The following CCNT1 variants were observed in gnomAD, a reference collection of about 807,000 sequenced individuals.
The protein encoded by CCNT1 is cyclin T1.
Under a neutral mutation model 67.3 loss-of-function variants are expected in CCNT1, and 18 were observed. The ratio of observed to expected loss-of-function variants is 0.27; its 90% CI spans 0.18 to 0.40. The LOEUF is 0.40. Among genes scored for constraint, CCNT1 ranks in the 10% least tolerant of loss-of-function variants. The pLI, the probability that CCNT1 is intolerant of heterozygous loss-of-function variation, is 1.00. For synonymous variants in CCNT1, 333 were observed against 310.3 expected, an observed-to-expected ratio of 1.07 and a Z score of -0.77; for missense variants, 744 against 884.9, an observed-to-expected ratio of 0.84 and a Z score of 2.02.
intron 6 of CCNT1, 99 bp from the exon 7 acceptor site, chr12:48,696,261 A>G: frequency 1.3e-6 from 1 of 741,716 alleles, no homozygotes; most frequent in South Asian, 2.6e-5. Context: ...AAAAAAAAAA[A>G]AAAAAGGCTT....
chr12:48,699,838 A>C lies in CCNT1; in HGVS notation c.436T>G (p.Phe146Val). Residue 146 changes from phenylalanine (F) to valine (V), a missense_variant and splice_region_variant, in exon 5 of 9, where the codon TTT becomes GTT. Physicochemically the swap from Phe to Val is conservative, Grantham distance 50 (BLOSUM62 -1). This residue lies in a region of CCNT1 where 142 missense variants were observed against 277.0 expected (regional missense o/e 0.51). Transcript: ENST00000261900. The stretch of plus-strand genomic sequence containing the variant: ...TGTGGGTGATCAATTGTTAGTTCAA[A>C]GCCTTAAAAGAAAAAGTAATGGATT... ...LESIILQTLGFELTIDHPHTH... is the reference protein window; with the variant it reads ...LESIILQTLGVELTIDHPHTH... The C allele has an allele frequency of 6.3e-7, 1 of 1,592,490 alleles. No homozygotes were observed. Among genetic ancestry groups the C allele is most frequent in the Non-Finnish European group, 8.6e-7 (1 of 1,165,162 alleles).
At chr12:48,705,993 T>C in intron 2 of CCNT1, 97 bp from the exon 3 acceptor site, 2 of 1,231,828 alleles carry the variant, frequency 1.6e-6, no homozygotes, top group Non-Finnish European at 2.2e-6. Context: ...TCAAGTTATT[T>C]GCTTGCCTCA....
intron 3 of CCNT1, among the ~76,000 whole-genome samples, chr12:48,702,614 C>T (rs552174277): frequency 6.6e-6 from 1 of 152,196 alleles, no homozygotes; most frequent in African/African-American, 2.4e-5. Context: ...GAAACCCTGT[C>T]TCTATTAAAA....
intron 3 of CCNT1, among the ~76,000 whole-genome samples, chr12:48,703,848 C>A (rs1940311916): frequency 6.6e-6 from 1 of 151,706 alleles, no homozygotes; most frequent in Non-Finnish European, 1.5e-5. Flanking sequence ...GATCACTGAG[C>A]CCGGAAGGTC....
At chr12:48,701,217 C>CTT (rs539754445) in intron 3 of CCNT1, 144 bp from the exon 4 acceptor site, 40 of 92,942 alleles carry the variant, frequency 4.3e-4, no homozygotes, top group South Asian at 9.9e-4. Flanking sequence ...GAAATACAAT[C>CTT]TTTTTTTTTT....
intron 2 of CCNT1, among the ~76,000 whole-genome samples, chr12:48,709,259 C>CA (rs1212257155): frequency 6.6e-6 from 1 of 152,124 alleles, no homozygotes; most frequent in Non-Finnish European, 1.5e-5. Flanking sequence ...GTTTCAAAAA[C>CA]AAAGAACTAG....
At chr12:48,712,539 T>C (rs186993011) in intron 2 of CCNT1, among the ~76,000 whole-genome samples, 150 of 131,708 alleles carry the variant, frequency 1.1e-3, no homozygotes, top group African/African-American at 4.2e-3. Flanking sequence ...TGTGGGATTA[T>C]AGGCTTAAGC....
At chr12:48,701,758 C>T (rs1248778438) in intron 3 of CCNT1, among the ~76,000 whole-genome samples, 6 of 151,880 alleles carry the variant, frequency 4.0e-5, no homozygotes, top group Non-Finnish European at 8.8e-5. Context: ...AGGCATGCAC[C>T]ACCACACCCA....
At chr12:48,698,286 T>C in intron 5 of CCNT1, 103 bp from the exon 6 acceptor site, 1 of 808,554 alleles carries the variant, frequency 1.2e-6, no homozygotes. Flanking sequence ...TGCAAGGTAC[T>C]GTGAATATAG....
chr12:48,707,288 CTT>C (rs779298084), intron 2 of CCNT1, among the ~76,000 whole-genome samples: 37 of 133,208 alleles, frequency 2.8e-4, no homozygotes, highest in Non-Finnish European at 3.2e-4. Context: ...TTTTTTCTTT[CTT>C]TTTTTTTTTT....
At chr12:48,716,361 G>GT (rs1401636055) in intron 1 of CCNT1, among the ~76,000 whole-genome samples, 154 bp downstream of exon 1, 1 of 152,244 alleles carries the variant, frequency 6.6e-6, no homozygotes, top group Non-Finnish European at 1.5e-5. Flanking sequence ...CGCTAACTGA[G>GT]TTTCAGCCCG....
intron 6 of CCNT1, among the ~76,000 whole-genome samples, chr12:48,697,528 A>AC (rs1940189611): frequency 4.2e-5 from 5 of 118,204 alleles, no homozygotes; most frequent in African/African-American, 1.6e-4. Flanking sequence ...GTCTTAAAAA[A>AC]AAAAAAATAT....
intron 1 of CCNT1, 110 bp downstream of exon 1, chr12:48,716,405 C>T (rs1238679145): frequency 9.7e-7 from 1 of 1,030,940 alleles, no homozygotes; most frequent in Non-Finnish European, 1.4e-6. Context: ...AGACATCCAG[C>T]TTCTGCCCAC....
rs553791128 is a variant in CCNT1, at chr12:48,715,972, G to T, written c.161+543C>A. 4.6e-5 allele frequency among the ~76,000 whole-genome samples: 7 copies of T among 152,298 alleles called. No individual in the cohort carries two copies. In the East Asian group the frequency reaches 1.2e-3, roughly 25 times the overall value. ...CTGGACACAGAATCAAACACAAGAG[G>T]TATTATCCCATTTTATAGACAAGAC... is the stretch of plus-strand genomic sequence containing the variant. On this transcript the variant is annotated intron_variant, in intron 1 of 8. Transcript: ENST00000261900.
chr12:48,712,340 T>C lies in CCNT1; in HGVS notation c.243+2103A>G, dbSNP rs373411192. On this transcript the variant is annotated intron_variant, in intron 2 of 8. Transcript: ENST00000261900. ...TCTTGTTGCCTAGGCTGAAGTGCAATAGCGATCTCGGCTCACCACAACCTC... is the reference window on the plus strand; with the variant it reads ...TCTTGTTGCCTAGGCTGAAGTGCAACAGCGATCTCGGCTCACCACAACCTC... 1.7e-3 allele frequency among the ~76,000 whole-genome samples: 255 copies of C among 151,426 alleles called. 1 individual carries two copies. In the Middle Eastern group the frequency reaches 0.02, roughly 12 times the overall value.
rs907047693 is a variant in CCNT1 at position 48,691,561 on chromosome 12, T to C, written c.*1472A>G. 1 of 152,204 alleles carries C rather than the reference T, an allele frequency of 6.6e-6. No homozygotes were observed. Among genetic ancestry groups the C allele is most frequent in the Admixed American group, 6.5e-5 (1 of 15,280 alleles). The allele number at this position is 152,204 out of a possible 1,614,324, so 9.4% of individuals were successfully genotyped here. ...GATTTTCTGAAAGATTTATTAAAAA[T>C]GTTCACTCCTAATATCTGGGATAAT... is the stretch of plus-strand genomic sequence containing the variant. On this transcript the variant is annotated 3_prime_UTR_variant, in exon 9 of 9. Coordinates refer to ENST00000261900, the MANE Select transcript of CCNT1 (RefSeq NM_001240.4).
At chr12:48,712,595 T>TAAAAAAAAAAAAA (rs759919820) in intron 2 of CCNT1, among the ~76,000 whole-genome samples, 22 of 33,370 alleles carry the variant, frequency 6.6e-4, no homozygotes, top group African/African-American at 1.5e-3. Context: ...AAAAAAAAAA[T>TAAAAAAAAAAAAA]AAAAAAAAAA....
At chr12:48,710,759 A>G (rs1050453440) in intron 2 of CCNT1, among the ~76,000 whole-genome samples, 2 of 152,218 alleles carry the variant, frequency 1.3e-5, no homozygotes, top group African/African-American at 4.8e-5. Flanking sequence ...GTTAAGCTTA[A>G]CAGATAAGAA....
intron 7 of CCNT1, 24 bp from the exon 8 acceptor site, chr12:48,695,853 A>G: frequency 6.4e-7 from 1 of 1,568,992 alleles, no homozygotes; most frequent in Non-Finnish European, 8.8e-7. Context: ...AGAACATTCA[A>G]GAAAGACTGA....
Sources: gnomAD v4.1 joint callset for allele counts (sites outside exome capture counted in the v4.1 genomes callset) on GRCh38, gnomAD v4.1.1 for gene constraint, gnomAD v4.1.1 regional missense constraint, MANE v1.5 for transcripts, NCBI Gene and HGNC (gene_info 2026-07-23, HGNC 2026-07-21) for gene names.